C19orf18: variants seen among roughly 807,000 people sequenced by gnomAD.
C19orf18 encodes uncharacterized protein C19orf18.
In C19orf18, 21 loss-of-function variants were observed where a neutral mutation model predicts 23.3. The observed-to-expected ratio is 0.90, with a 90% CI of 0.64 to 1.30. The LOEUF is 1.30. Ranked by LOEUF, C19orf18 falls within the 50% of genes most tolerant of loss-of-function variation. The pLI, the probability that C19orf18 is intolerant of heterozygous loss-of-function variation, is 0.00. For missense variants in C19orf18, 249 were observed against 259.6 expected, an observed-to-expected ratio of 0.96 and a Z score of 0.28; for synonymous variants, 96 against 95.2, an observed-to-expected ratio of 1.01 and a Z score of -0.05.
intron 4 of C19orf18, among the ~76,000 whole-genome samples, chr19:57,961,940 CCTT>C (rs990844392): frequency 8.7e-5 from 13 of 150,288 alleles, no homozygotes; most frequent in Non-Finnish European, 1.2e-4. Flanking sequence ...TTCCTCCCTC[CCTT>C]CTTTTCTTTC....
At chr19:57,970,582 T>C (rs564358724) in intron 3 of C19orf18, among the ~76,000 whole-genome samples, 81 of 152,170 alleles carry the variant, frequency 5.3e-4, no homozygotes, top group African/African-American at 1.9e-3. Flanking sequence ...CATCTTTCCA[T>C]ATAATTTTTT....
intron 4 of C19orf18, 110 bp downstream of exon 4, chr19:57,966,420 A>G (rs935687694): frequency 2.8e-6 from 2 of 705,060 alleles, no homozygotes; most frequent in Admixed American, 2.8e-5. Context: ...AATGACCAAT[A>G]CTTTAGCAAT....
Position 57,962,182 on chromosome 19 carries a change from C to G in C19orf18, c.372-631G>C, listed in dbSNP as rs75563415. On this transcript the variant is annotated intron_variant, in intron 4 of 5. Transcript: ENST00000314391. The stretch of plus-strand genomic sequence containing the variant: ...AGTAGCTGGGACCACAGGCTCGTGG[C>G]ACCATGCCCGGCTAATTATTTTTGT... 3.8e-3 allele frequency among the ~76,000 whole-genome samples: 574 copies of G among 152,060 alleles called. 8 individuals are homozygous for G. The highest frequency in any genetic ancestry group is 0.013 in the African/African-American group (536 of 41,470).
intron 5 of C19orf18, among the ~76,000 whole-genome samples, chr19:57,959,755 A>G (rs2072852229): frequency 6.7e-6 from 1 of 148,890 alleles, no homozygotes. Context: ...ATATTGCACC[A>G]CTGCACTCCA....
chr19:57,959,377 C>A (rs904115514), intron 5 of C19orf18, among the ~76,000 whole-genome samples: 1 of 152,198 alleles, frequency 6.6e-6, no homozygotes, highest in East Asian at 1.9e-4. Flanking sequence ...AATCCCAGGA[C>A]TTTGGGAGGC....
At chr19:57,962,869 C>T (rs1256700592) in intron 4 of C19orf18, among the ~76,000 whole-genome samples, 1 of 150,074 alleles carries the variant, frequency 6.7e-6, no homozygotes, top group Non-Finnish European at 1.5e-5. Context: ...AAAAAAAAAA[C>T]AAAAAACTTT....
chr19:57,961,151 C>T (rs951083122), intron 5 of C19orf18, among the ~76,000 whole-genome samples: 5 of 151,834 alleles, frequency 3.3e-5, no homozygotes, highest in African/African-American at 7.3e-5. Context: ...AGGAGAATGG[C>T]GTGAATCTGG....
chr19:57,961,665 TAA>T (rs2072873005), intron 4 of C19orf18, 114 bp from the exon 5 acceptor site: 4 of 1,185,388 alleles, frequency 3.4e-6, no homozygotes, highest in Admixed American at 2.3e-5. Flanking sequence ...GGTGCAGACA[TAA>T]GACTTTGAAA....
chr19:57,974,057 C>A (rs200465101), intron 2 of C19orf18, 42 bp downstream of exon 2: 2 of 1,586,514 alleles, frequency 1.3e-6, no homozygotes, highest in East Asian at 2.2e-5. Context: ...GGACTCCAGG[C>A]TACGATTCTC....
At position 57,963,824 on chromosome 19, in the gene C19orf18, G is replaced by A. The variant is rs939037016; in HGVS notation, c.372-2273C>T. ...AGAATGGCGTGAACCTGGGAGGCGG[G>A]GCTTGCAGTGAGCTGAGATGACGCC... On this transcript the variant is annotated intron_variant, in intron 4 of 5. Transcript: ENST00000314391. 3.3e-5 allele frequency among the ~76,000 whole-genome samples: 5 copies of A among 152,122 alleles called. No individual in the cohort carries two copies. The South Asian group carries it at 6.2e-4, about 19-fold the overall frequency.
At chr19:57,971,907 C>T (rs771977840) in intron 3 of C19orf18, among the ~76,000 whole-genome samples, 9 of 152,144 alleles carry the variant, frequency 5.9e-5, no homozygotes, top group Non-Finnish European at 7.4e-5. Context: ...ATTTCTGTGT[C>T]TGCATGTCTC....
Position 57,974,506 on chromosome 19 carries a change from ATT to A in C19orf18, c.-76_-75del, listed in dbSNP as rs1490591868. 6.4e-7 allele frequency: 1 copy of A among 1,558,752 alleles called. No homozygotes were observed. Among genetic ancestry groups the A allele is most frequent in the African/African-American group, 1.4e-5 (1 of 73,372 alleles). ...AGCTACAGTCCAGCATCTGTCCTCT[ATT>A]TATCTGAGGAATCAAGAAGTTCTAC... On this transcript the variant is annotated 5_prime_UTR_variant, in exon 1 of 6. Transcript: ENST00000314391.
At chr19:57,970,757 A>T (rs911458596) in intron 3 of C19orf18, among the ~76,000 whole-genome samples, 1 of 151,936 alleles carries the variant, frequency 6.6e-6, no homozygotes, top group African/African-American at 2.4e-5. Context: ...ATGGGGTTTC[A>T]CCATGTTGTC....
At chr19:57,961,890 CTCT>C (rs886336675) in intron 4 of C19orf18, among the ~76,000 whole-genome samples, 13 of 149,554 alleles carry the variant, frequency 8.7e-5, no homozygotes, top group East Asian at 3.9e-4. Context: ...CTTTTTCTTT[CTCT>C]TTTTTTTCCT....
At chr19:57,959,150 C>G (rs901525603) in intron 5 of C19orf18, among the ~76,000 whole-genome samples, 1 of 152,148 alleles carries the variant, frequency 6.6e-6, no homozygotes, top group East Asian at 1.9e-4. Context: ...ACTACACTCT[C>G]TATAGTTTTC....
chr19:57,974,335 G>C lies in C19orf18; in HGVS notation c.98C>G (p.Thr33Ser). ...CLPYADGLHP[T>S]GNITGLPGSK... is the part of the protein sequence containing the mutation. ...ACCTGGTAAGCCTGTTATGTTTCCA[G>C]TGGGATGGAGTCCATCTGCATACGG... is the stretch of plus-strand genomic sequence containing the variant. Residue 33 changes from threonine (T) to serine (S), a missense_variant, in exon 1 of 6, where the codon ACT becomes AGT. Coordinates refer to ENST00000314391, the MANE Select transcript of C19orf18 (RefSeq NM_152474.5). 6.2e-7 allele frequency: 1 copy of C among 1,614,162 alleles called. No homozygotes were observed. Among genetic ancestry groups the C allele is most frequent in the Non-Finnish European group, 8.5e-7 (1 of 1,180,044 alleles).
intron 4 of C19orf18, among the ~76,000 whole-genome samples, chr19:57,964,986 C>T (rs541349827): frequency 7.9e-5 from 12 of 152,120 alleles, no homozygotes; most frequent in Admixed American, 6.5e-4. Flanking sequence ...TTTGCGAAGA[C>T]GGTGATGTAA....
chr19:57,968,433 G>A (rs371030814), intron 3 of C19orf18, among the ~76,000 whole-genome samples: 5 of 152,156 alleles, frequency 3.3e-5, no homozygotes, highest in African/African-American at 1.2e-4. Flanking sequence ...ACACAGGCCA[G>A]CCTTGGCATG....
At chr19:57,971,398 C>A (rs1280125155) in intron 3 of C19orf18, among the ~76,000 whole-genome samples, 2 of 152,090 alleles carry the variant, frequency 1.3e-5, no homozygotes, top group Non-Finnish European at 2.9e-5. Flanking sequence ...ATACCCCATG[C>A]CCCACAGCCA....
Sources: gnomAD v4.1 joint callset for allele counts (sites outside exome capture counted in the v4.1 genomes callset) on GRCh38, gnomAD v4.1.1 for gene constraint, MANE v1.5 for transcripts, NCBI Gene and HGNC (gene_info 2026-07-23, HGNC 2026-07-21) for gene names.